PPFIA4: variants seen among roughly 807,000 people sequenced by gnomAD.
PPFIA4 encodes the protein liprin-alpha-4.
PPFIA4 carries 98 observed loss-of-function variants against 145.7 expected under a neutral mutation model. The observed-to-expected ratio is 0.67, with a 90% confidence interval of 0.57 to 0.80. The LOEUF is 0.80. Ranked by LOEUF, PPFIA4 falls within the 30% of genes least tolerant of loss-of-function variation. The probability of loss-of-function intolerance (pLI) is 0.00; values close to 1 mark genes in which losing one functional copy is unlikely to be tolerated. For synonymous variants in PPFIA4, 628 were observed against 649.6 expected, an observed-to-expected ratio of 0.97 and a Z score of 0.51; for missense variants, 1,457 against 1,632.7, an observed-to-expected ratio of 0.89 and a Z score of 1.85.
chr1:203,048,148 C>A lies in PPFIA4; in HGVS notation c.1141-79C>A. On this transcript the variant is annotated intron_variant, in intron 9 of 29. Coordinates refer to ENST00000295706, the MANE Select transcript of PPFIA4 (RefSeq NM_001304331.2). This position sits in a 1 kb window ranked among gnomAD's most constrained non-coding sequence, Gnocchi z 5.8. ...GCCATGATCCCCAGGGCCACCCTGGCACCAGGGTGCAGGGGATGCGGGGCC... is the reference window on the plus strand; with the variant it reads ...GCCATGATCCCCAGGGCCACCCTGGAACCAGGGTGCAGGGGATGCGGGGCC... 1 of 1,388,646 alleles carries A rather than the reference C, an allele frequency of 7.2e-7. No homozygotes were observed. Among genetic ancestry groups the A allele is most frequent in the Non-Finnish European group, 1.0e-6 (1 of 990,058 alleles). The allele number at this position is 1,388,646 out of a possible 1,614,324, so 86.0% of individuals were successfully genotyped here. A position where few individuals can be genotyped will look rare whatever the true frequency, so the allele number is the denominator to read the frequency against.
Position 203,046,378 on chromosome 1 carries a change from C to G in PPFIA4, c.1136C>G (p.Thr379Ser). The G allele has an allele frequency of 6.3e-7, 1 of 1,586,742 alleles. No homozygotes were observed. Among genetic ancestry groups the G allele is most frequent in the South Asian group, 1.2e-5 (1 of 86,838 alleles). The stretch of plus-strand genomic sequence containing the variant: ...CTGGCCCAGAGAATTGCAGCCCTCA[C>G]CAAGGCAAGTGGGCCAGGGGCCTGG... ...AELAQRIAAL[T>S]KAEERHGNIE... Residue 379 changes from threonine (T) to serine (S), a missense_variant, in exon 9 of 30, where the codon ACC (threonine) becomes AGC (serine). This residue lies in a region of PPFIA4 where 848 missense variants were observed against 1,046.7 expected (regional missense o/e 0.81). Transcript: ENST00000295706.
At chr1:203,066,590 C>T (rs1183599266) in intron 25 of PPFIA4, among the ~76,000 whole-genome samples, 1 of 152,176 alleles carries the variant, frequency 6.6e-6, no homozygotes, top group African/African-American at 2.4e-5. Flanking sequence ...CATTCAGGCA[C>T]AGGCTCAGTG....
chr1:203,045,691 GAA>G, intron 7 of PPFIA4, 132 bp downstream of exon 7: 1 of 1,456,680 alleles, frequency 6.9e-7, no homozygotes, highest in Non-Finnish European at 9.2e-7. Flanking sequence ...GGCGGTCATG[GAA>G]GGGGTGGGCC....
rs747843224 is a variant in PPFIA4 at position 203,045,914 on chromosome 1, A to C, written c.932A>C (p.Glu311Ala). The C allele has an allele frequency of 6.7e-5, 108 of 1,612,678 alleles. No homozygotes were observed. The highest frequency in any genetic ancestry group is 8.8e-5 in the Non-Finnish European group (104 of 1,179,842). Residue 311 changes from glutamate (E) to alanine (A), a missense_variant, in exon 8 of 30, where the codon GAG becomes GCG. By Grantham distance (107) the Glu-to-Ala change is moderately radical (BLOSUM62 -1). Transcript: ENST00000295706. ...LEKRYLAAQR[E>A]ATSIHDLNDK... ...AAGCGCTACCTGGCTGCTCAGCGTG[A>C]GGCAACATCCATCCATGACCTCAAT...
intron 1 of PPFIA4, chr1:203,035,392 T>C: frequency 2.3e-6 from 1 of 443,326 alleles, no homozygotes; most frequent in Non-Finnish European, 4.6e-6. Context: ...CCATCCCTCC[T>C]GTGTGTTAGG....
In PPFIA4 at chr1:203,067,793, G is replaced by T; in HGVS notation, c.3148+1G>T. ...GAGGAGAGCCAGCATGAGATCAAGG[G>T]TAAGCTCGTCAGGCTTGGAGAGGGT... On this transcript the variant is annotated splice_donor_variant, in intron 26 of 29. Coordinates refer to ENST00000295706, the MANE Select transcript of PPFIA4 (RefSeq NM_001304331.2). LOFTEE classifies it high-confidence loss of function. 1 of 1,613,600 alleles carries T rather than the reference G, an allele frequency of 6.2e-7. No individual in the cohort carries two copies. The highest frequency in any genetic ancestry group is 8.5e-7 in the Non-Finnish European group (1 of 1,179,812).
rs780602338 is a variant in PPFIA4 at position 203,077,835 on chromosome 1, C to T, written c.*1445C>T. ...TATGTTCAGGGTGGGATGATGGAAC[C>T]GAGGGCTTCATCAAAGTGAGAGGAA... On this transcript the variant is annotated 3_prime_UTR_variant, in exon 30 of 30. Transcript: ENST00000295706. The T allele has an allele frequency of 6.6e-6, 1 of 152,230 alleles. No homozygotes were observed. The highest frequency in any genetic ancestry group is 2.1e-4 in the South Asian group (1 of 4,836). The allele number at this position is 152,230 out of a possible 1,614,324, so 9.4% of individuals were successfully genotyped here.
At chr1:203,049,055 C>T (rs562979006) in intron 12 of PPFIA4, 75 bp downstream of exon 12, 12 of 1,384,816 alleles carry the variant, frequency 8.7e-6, no homozygotes, top group South Asian at 2.6e-5. Flanking sequence ...CTGCTTTTAA[C>T]GCTGCTGCTC....
In PPFIA4 at chr1:203,063,829, C is replaced by T; in HGVS notation, c.2876C>T (p.Thr959Ile). ...TDSEEGSWAQ[T>I]LAYGDMNHEW... The stretch of plus-strand genomic sequence containing the variant: ...GCCTCCTGCATCTCATTTCCCTAGA[C>T]CCTGGCCTATGGGGACATGAACCAT... Residue 959 changes from threonine (T) to isoleucine (I), a missense_variant and splice_region_variant, in exon 25 of 30, where the codon ACC becomes ATC. Transcript: ENST00000295706. 1 of 1,613,938 alleles carries T rather than the reference C, an allele frequency of 6.2e-7. No homozygotes were observed. Among genetic ancestry groups the T allele is most frequent in the Middle Eastern group, 1.7e-4 (1 of 6,060 alleles).
intron 28 of PPFIA4, among the ~76,000 whole-genome samples, chr1:203,073,950 A>G (rs1662344935): frequency 6.6e-6 from 1 of 152,170 alleles, no homozygotes; most frequent in Admixed American, 6.5e-5. Context: ...TCATTTAATG[A>G]ATATTTTTAT....
intron 15 of PPFIA4, among the ~76,000 whole-genome samples, chr1:203,054,661 T>A (rs866411036): frequency 1.4e-5 from 2 of 141,700 alleles, no homozygotes; most frequent in African/African-American, 5.3e-5. Flanking sequence ...CACAGACCAG[T>A]TACAAAGAAG....
rs771562799 is a variant in PPFIA4, at chr1:203,075,643, G to T, written c.3460G>T (p.Gly1154Cys). 5 of 1,500,828 alleles carry T rather than the reference G, an allele frequency of 3.3e-6. No homozygotes were observed. The South Asian group carries it at 6.5e-5, about 19-fold the overall frequency. The allele number at this position is 1,500,828 out of a possible 1,614,324, so 93.0% of individuals were successfully genotyped here. Residue 1154 changes from glycine to cysteine, a missense_variant, in exon 29 of 30, where the codon GGT becomes TGT. By Grantham distance (159) the Gly-to-Cys change is radical. Transcript: ENST00000295706. This position sits in a 1 kb window ranked among gnomAD's most constrained non-coding sequence, Gnocchi z 4.1. ...GCGCTTCCGGCCGCGGGAGCACCAC[G>T]GTCGCGGCGGCATGCTCAGCGCTTC... ...RKRFRPREHH[G>C]RGGMLSASAE...
At position 203,048,761 on chromosome 1, in the gene PPFIA4, T is replaced by C; in HGVS notation, c.1356+47T>C. On this transcript the variant is annotated intron_variant, in intron 11 of 29. Coordinates refer to ENST00000295706, the MANE Select transcript of PPFIA4 (RefSeq NM_001304331.2). This position sits in a 1 kb window ranked among gnomAD's most constrained non-coding sequence, Gnocchi z 5.8. The stretch of plus-strand genomic sequence containing the variant: ...GGATGCGAGAGGTTAGTGCTGGGTG[T>C]GGGGCGGGGGGAGGCGGGACTGTGA... 2 of 791,634 alleles carry C rather than the reference T, an allele frequency of 2.5e-6. No individual in the cohort carries two copies. Among genetic ancestry groups the C allele is most frequent in the Non-Finnish European group, 3.2e-6 (2 of 634,242 alleles). 49.0% of individuals were successfully genotyped at this position (791,634 alleles called of 1,614,324 possible).
chr1:203,028,355 G>A (rs1658569653), intron 1 of PPFIA4, among the ~76,000 whole-genome samples: 1 of 152,176 alleles, frequency 6.6e-6, no homozygotes, highest in Non-Finnish European at 1.5e-5. Context: ...AAATCTTAGA[G>A]TTGGAAAGAG....
chr1:203,043,409 T>G lies in PPFIA4; in HGVS notation c.247T>G (p.Leu83Val). 1 of 1,610,340 alleles carries G rather than the reference T, an allele frequency of 6.2e-7. No homozygotes were observed. The highest frequency in any genetic ancestry group is 8.5e-7 in the Non-Finnish European group (1 of 1,178,728). The change falls in exon 3 of 30, where the codon TTA becomes GTA. Residue 83 changes from leucine (L) to valine (V), a missense_variant. By Grantham distance (32) the Leu-to-Val change is conservative (BLOSUM62 1). Coordinates refer to ENST00000295706, the MANE Select transcript of PPFIA4 (RefSeq NM_001304331.2). The surrounding 1 kb of genome is among the most constrained non-coding windows in gnomAD (Gnocchi z 4.4). ...NSALPQEFAT[L>V]TRELSMCREQ... ...TGGGGGTTTTCAGGAATTTGCCACC[T>G]TAACCCGGGAGCTGAGCATGTGTCG... is the stretch of plus-strand genomic sequence containing the variant.
chr1:203,049,755 G>T lies in PPFIA4; in HGVS notation c.1499G>T (p.Gly500Val). 1 of 1,586,020 alleles carries T rather than the reference G, an allele frequency of 6.3e-7. No individual in the cohort carries two copies. Among genetic ancestry groups the T allele is most frequent in the South Asian group, 1.2e-5 (1 of 86,312 alleles). The change falls in exon 13 of 30, where the codon GGC (glycine) becomes GTC (valine). Residue 500 changes from glycine (G) to valine (V), a missense_variant. Physicochemically the swap from Gly to Val is moderately radical, Grantham distance 109. This residue lies in a region of PPFIA4 where 848 missense variants were observed against 1,046.7 expected (regional missense o/e 0.81). Coordinates refer to ENST00000295706, the MANE Select transcript of PPFIA4 (RefSeq NM_001304331.2). ...GGCCGAGGGGGGCCGTTTGTGGATG[G>T]CGTCCACTCCAGGTACTGCAGCGCC... ...LKGRGGPFVD[G>V]VHSRSHMGSA...
Position 203,048,126 on chromosome 1 carries a change from A to G in PPFIA4, c.1141-101A>G, listed in dbSNP as rs1660213428. The G allele has an allele frequency of 2.8e-6, 3 of 1,078,676 alleles. No homozygotes were observed. In the Admixed American group the frequency reaches 6.0e-5, roughly 22 times the overall value. 66.8% of individuals were successfully genotyped at this position (1,078,676 alleles called of 1,614,324 possible). ...CTGAGCGTCACTGGTACTGGGGGCC[A>G]TGATCCCCAGGGCCACCCTGGCACC... is the stretch of plus-strand genomic sequence containing the variant. On this transcript the variant is annotated intron_variant, in intron 9 of 29. Coordinates refer to ENST00000295706, the MANE Select transcript of PPFIA4 (RefSeq NM_001304331.2). The surrounding 1 kb of genome is among the most constrained non-coding windows in gnomAD (Gnocchi z 5.8).
chr1:203,056,858 G>T lies in PPFIA4; in HGVS notation c.2315G>T (p.Arg772Leu), dbSNP rs1172929467. 1.9e-6 allele frequency: 3 copies of T among 1,613,988 alleles called. No individual in the cohort carries two copies. Among genetic ancestry groups the T allele is most frequent in the Non-Finnish European group, 1.7e-6 (2 of 1,179,928 alleles). ...SQDSLHKGAK[R>L]KGIKSSIGRL... ...GACTCCCTGCACAAGGGCGCCAAGC[G>T]CAAGGGCATCAAGTCGTCCATTGGC... The change falls in exon 19 of 30, where the codon CGC (arginine) becomes CTC (leucine). Residue 772 changes from arginine (R) to leucine (L), a missense_variant. Physicochemically the swap from Arg to Leu is moderately radical, Grantham distance 102 (BLOSUM62 -2). This residue lies in a region of PPFIA4 where 848 missense variants were observed against 1,046.7 expected (regional missense o/e 0.81). Transcript: ENST00000295706.
At chr1:203,041,724 AG>A (rs1328057919) in intron 2 of PPFIA4, among the ~76,000 whole-genome samples, 1 of 151,806 alleles carries the variant, frequency 6.6e-6, no homozygotes, top group African/African-American at 2.4e-5. Context: ...AGGCCAGGAG[AG>A]GGGGCAGCAC....
Sources: gnomAD v4.1 joint callset for allele counts (sites outside exome capture counted in the v4.1 genomes callset) on GRCh38, gnomAD v4.1.1 for gene constraint, gnomAD v4.1.1 regional missense constraint, Gnocchi (gnomAD v3.1) non-coding constraint, MANE v1.5 for transcripts, NCBI Gene and HGNC (gene_info 2026-07-23, HGNC 2026-07-21) for gene names.